IFT25: variants seen among roughly 807,000 people sequenced by gnomAD.
IFT25 encodes the protein intraflagellar transport 25, also known as intraflagellar transport protein 25 homolog.
At chr1:53,933,851 CTA>C in the IFT25 span, among the ~76,000 whole-genome samples, 2 of 151,692 alleles carry the variant, frequency 1.3e-5, no homozygotes, top group African/African-American at 2.4e-5. Flanking sequence ...TTTAATTCCT[CTA>C]TTTTTTTTTA....
the IFT25 span, among the ~76,000 whole-genome samples, chr1:53,941,624 G>A: frequency 1.3e-5 from 2 of 152,152 alleles, no homozygotes; most frequent in African/African-American, 4.8e-5. Flanking sequence ...ACATTGTCAA[G>A]CCTTAGTTTT....
chr1:53,932,777 G>A, the IFT25 span, among the ~76,000 whole-genome samples: 208 of 152,274 alleles, frequency 1.4e-3, no homozygotes, highest in Middle Eastern at 0.014. Flanking sequence ...TGTTGTCCAG[G>A]CTGGTCTCAC....
chr1:53,923,780 G>C, the IFT25 span: 12 of 660,402 alleles, frequency 1.8e-5, no homozygotes, highest in African/African-American at 2.0e-4. Context: ...TTTCTCTACC[G>C]GTTGATTTAG....
At chr1:53,926,881 C>T in the IFT25 span, among the ~76,000 whole-genome samples, 45 of 152,182 alleles carry the variant, frequency 3.0e-4, no homozygotes, top group African/African-American at 1.0e-3. Context: ...TGTCACCATC[C>T]CTGGCTAATT....
At chr1:53,940,812 T>C in the IFT25 span, among the ~76,000 whole-genome samples, 6 of 151,728 alleles carry the variant, frequency 4.0e-5, no homozygotes, top group African/African-American at 1.2e-4. Flanking sequence ...AGGGCTCAAG[T>C]GATCCTCCCA....
At chr1:53,932,069 A>G in the IFT25 span, among the ~76,000 whole-genome samples, 2 of 152,170 alleles carry the variant, frequency 1.3e-5, no homozygotes, top group Non-Finnish European at 2.9e-5. Flanking sequence ...ATACTTTCTA[A>G]GGCCAGGCAT....
chr1:53,933,292 G>A, the IFT25 span, among the ~76,000 whole-genome samples: 7 of 151,890 alleles, frequency 4.6e-5, no homozygotes, highest in South Asian at 2.1e-4. Flanking sequence ...GCGCCACCAC[G>A]CCTGGCTAAT....
the IFT25 span, chr1:53,921,773 T>TG: frequency 3.8e-6 from 6 of 1,579,686 alleles, no homozygotes; most frequent in African/African-American, 4.0e-5. Flanking sequence ...TGTGCCTGTA[T>TG]GGGAAAAAAA....
the IFT25 span, among the ~76,000 whole-genome samples, chr1:53,923,063 G>A: frequency 6.6e-6 from 1 of 152,170 alleles, no homozygotes; most frequent in African/African-American, 2.4e-5. Context: ...AAAACAGGAA[G>A]ATAAAATTCA....
chr1:53,921,373 G>C, the IFT25 span, among the ~76,000 whole-genome samples: 2 of 152,150 alleles, frequency 1.3e-5, no homozygotes, highest in Non-Finnish European at 2.9e-5. Flanking sequence ...AAGAGCACCA[G>C]AGTGGATGCT....
chr1:53,921,816 CTGTT>C, the IFT25 span: 1 of 1,145,186 alleles, frequency 8.7e-7, no homozygotes, highest in Non-Finnish European at 1.3e-6. Context: ...TGCTAGTTAA[CTGTT>C]AACAAGCAGT....
At chr1:53,942,999 A>G in the IFT25 span, among the ~76,000 whole-genome samples, 3 of 152,360 alleles carry the variant, frequency 2.0e-5, no homozygotes, top group South Asian at 4.1e-4. Flanking sequence ...TATTACATAG[A>G]AAAAGGTGAA....
At chr1:53,926,533 TATA>T in the IFT25 span, among the ~76,000 whole-genome samples, 2 of 150,498 alleles carry the variant, frequency 1.3e-5, no homozygotes, top group Admixed American at 6.6e-5. Context: ...AGTGGTTTAA[TATA>T]ATATGAAACC....
At chr1:53,929,257 T>C in the IFT25 span, among the ~76,000 whole-genome samples, 1 of 152,236 alleles carries the variant, frequency 6.6e-6, no homozygotes, top group Non-Finnish European at 1.5e-5. Context: ...TTCTCCTGCC[T>C]ACAGCTCCTA....
At chr1:53,922,528 C>T in the IFT25 span, among the ~76,000 whole-genome samples, 1 of 152,110 alleles carries the variant, frequency 6.6e-6, no homozygotes, top group African/African-American at 2.4e-5. Context: ...CTCTGGAAAG[C>T]AATTAGCCAA....
chr1:53,941,589 C>G, the IFT25 span, among the ~76,000 whole-genome samples: 1 of 151,890 alleles, frequency 6.6e-6, no homozygotes, highest in Non-Finnish European at 1.5e-5. Context: ...CTATTGATAC[C>G]AGAGAACCAG....
the IFT25 span, among the ~76,000 whole-genome samples, chr1:53,933,546 T>C: frequency 1.3e-5 from 2 of 152,234 alleles, no homozygotes; most frequent in African/African-American, 4.8e-5. Flanking sequence ...ACAGCGACTT[T>C]CTTATGTAAA....
the IFT25 span, chr1:53,928,425 A>G: frequency 6.2e-7 from 1 of 1,612,180 alleles, no homozygotes; most frequent in East Asian, 2.2e-5. Flanking sequence ...GCTTTTTTCA[A>G]TCTTCAAGGT....
the IFT25 span, among the ~76,000 whole-genome samples, chr1:53,924,431 A>C: frequency 4.6e-5 from 7 of 152,216 alleles, 1 homozygote; most frequent in Non-Finnish European, 7.3e-5. Context: ...CTGGTATCCA[A>C]ATTTTAAAAA....
Sources: gnomAD v4.1 joint callset for allele counts (sites outside exome capture counted in the v4.1 genomes callset) on GRCh38, gnomAD v4.1.1 for gene constraint, MANE v1.5 for transcripts, NCBI Gene and HGNC (gene_info 2026-07-23, HGNC 2026-07-21) for gene names.